Variants in SGPP2 observed in about 807,000 individuals in gnomAD.
SGPP2 encodes sphingosine 1-phosphate phosphohydrolase 2.
SGPP2 carries 30 observed loss-of-function variants against 33.9 expected under a neutral mutation model. The ratio of observed to expected loss-of-function variants is 0.89; its 90% CI spans 0.66 to 1.20. SGPP2 has a LOEUF of 1.20. SGPP2 is among the 50% of genes most tolerant of loss of function. The probability of loss-of-function intolerance (pLI) is 0.00; values close to 1 mark genes in which losing one functional copy is unlikely to be tolerated. For missense variants in SGPP2, 458 were observed against 532.1 expected (o/e 0.86, Z 1.37); for synonymous variants, 233 against 225.0 (o/e 1.04, Z -0.32).
At chr2:222,501,739 A>G (rs1157358130) in intron 2 of SGPP2, among the ~76,000 whole-genome samples, 1 of 152,192 alleles carries the variant, frequency 6.6e-6, no homozygotes, top group African/African-American at 2.4e-5. Context: ...CTCTACCCCA[A>G]GATATACTGA....
intron 2 of SGPP2, among the ~76,000 whole-genome samples, chr2:222,490,457 C>T (rs759894609): frequency 1.3e-5 from 2 of 152,156 alleles, no homozygotes; most frequent in Non-Finnish European, 2.9e-5. Flanking sequence ...GAGACAGGGT[C>T]TTGCTCTGTT....
rs1468719796 is a variant in SGPP2 at position 222,550,552 on chromosome 2, G to A, written c.649-7795G>A. ...AAATTAGGATCATACTTTCTGTAAAGCTTGTATTCTGTTTAAAACATCTCA... is the reference window on the plus strand; with the variant it reads ...AAATTAGGATCATACTTTCTGTAAAACTTGTATTCTGTTTAAAACATCTCA... On this transcript the variant is annotated intron_variant, in intron 4 of 4. Transcript: ENST00000321276. The surrounding 1 kb of genome is among the most constrained non-coding windows in gnomAD (Gnocchi z 4.5). 1.3e-5 allele frequency among the ~76,000 whole-genome samples: 2 copies of A among 152,134 alleles called. No homozygotes were observed. The highest frequency in any genetic ancestry group is 2.9e-5 in the Non-Finnish European group (2 of 68,018).
intron 1 of SGPP2, among the ~76,000 whole-genome samples, chr2:222,445,715 T>G (rs188940265): frequency 2.0e-5 from 3 of 152,348 alleles, no homozygotes; most frequent in Admixed American, 1.3e-4. Flanking sequence ...AAAAGGCTGA[T>G]GACCAGCAAT....
intron 1 of SGPP2, among the ~76,000 whole-genome samples, chr2:222,445,568 C>T (rs1697386185): frequency 6.6e-6 from 1 of 152,136 alleles, no homozygotes; most frequent in Admixed American, 6.5e-5. Context: ...GGGAGAAGGA[C>T]TGTGCTACCC....
intron 1 of SGPP2, among the ~76,000 whole-genome samples, chr2:222,468,384 T>TA (rs61207611): frequency 0.15 from 21,506 of 142,480 alleles, 1,793 homozygotes; most frequent in African/African-American, 0.26. Context: ...TCCTTCCTTG[T>TA]AAAAAAAAAA....
At chr2:222,463,964 C>G (rs561674192) in intron 1 of SGPP2, among the ~76,000 whole-genome samples, 6 of 112,104 alleles carry the variant, frequency 5.4e-5, no homozygotes, top group Admixed American at 2.4e-4. Context: ...AGTTCTGAAT[C>G]CTGTACGTGT....
At chr2:222,538,685 C>T (rs954260232) in intron 4 of SGPP2, among the ~76,000 whole-genome samples, 10 of 152,094 alleles carry the variant, frequency 6.6e-5, no homozygotes, top group African/African-American at 1.9e-4. Context: ...CTGGGGAGGC[C>T]TCAGGAAACT....
In SGPP2 at chr2:222,467,950, G is replaced by GAAAAAAAAAAAAAAAAAAAAAAAAAAAAA. The variant is rs61253653; in HGVS notation, c.220-6608_220-6580dup. Among the ~76,000 whole-genome samples the GAAAAAAAAAAAAAAAAAAAAAAAAAAAAA allele has an allele frequency of 3.2e-4, 8 of 24,874 alleles. 1 individual carries two copies. The highest frequency in any genetic ancestry group is 1.9e-3 in the South Asian group (1 of 524). 16.3% of individuals were successfully genotyped at this position (24,874 alleles called of 152,430 possible). A position where few individuals can be genotyped will look rare whatever the true frequency, so the allele number is the denominator to read the frequency against. The stretch of plus-strand genomic sequence containing the variant: ...AAATGTATATTTAAAGCTCTAATCT[G>GAAAAAAAAAAAAAAAAAAAAAAAAAAAAA]AAAAAAAAAAAAAAAAAAAAAAAAA... On this transcript the variant is annotated intron_variant, in intron 1 of 4. Transcript: ENST00000321276.
At chr2:222,491,603 G>A (rs762531987) in intron 2 of SGPP2, among the ~76,000 whole-genome samples, 1 of 152,090 alleles carries the variant, frequency 6.6e-6, no homozygotes, top group Admixed American at 6.5e-5. Flanking sequence ...CTCCCACCTG[G>A]TCCTTCCCTC....
At chr2:222,492,848 G>T (rs1227886908) in intron 2 of SGPP2, among the ~76,000 whole-genome samples, 2 of 152,162 alleles carry the variant, frequency 1.3e-5, no homozygotes, top group African/African-American at 4.8e-5. Context: ...TTGGGTAGGG[G>T]CAAAATGCCA....
chr2:222,464,691 C>T (rs1363432299), intron 1 of SGPP2, among the ~76,000 whole-genome samples: 1 of 152,158 alleles, frequency 6.6e-6, no homozygotes, highest in Non-Finnish European at 1.5e-5. Context: ...CTATGTTTCC[C>T]AGGCTCTTCT....
At chr2:222,425,960 T>C (rs1169532065) in intron 1 of SGPP2, among the ~76,000 whole-genome samples, 1 of 152,044 alleles carries the variant, frequency 6.6e-6, no homozygotes, top group Non-Finnish European at 1.5e-5. Flanking sequence ...CTCTTTATTG[T>C]TCCTTCTTTA....
chr2:222,452,310 AG>A, intron 1 of SGPP2: 1 of 602,614 alleles, frequency 1.7e-6, no homozygotes, highest in Non-Finnish European at 3.0e-6. Context: ...TTTCCAAAAA[AG>A]AAAAATCCTA....
chr2:222,477,323 G>A lies in SGPP2; in HGVS notation c.378+2597G>A, dbSNP rs1697957694. Reference sequence around the variant, plus strand: ...TGTGTATATAGGTGTGAGTATATATGTGTGTCTATGTGTGTGTGTATAGGT... The same window carrying A: ...TGTGTATATAGGTGTGAGTATATATATGTGTCTATGTGTGTGTGTATAGGT... On this transcript the variant is annotated intron_variant, in intron 2 of 4. Coordinates refer to ENST00000321276, the MANE Select transcript of SGPP2 (RefSeq NM_152386.4). The surrounding 1 kb of genome is among the most constrained non-coding windows in gnomAD (Gnocchi z 6.0). 1.3e-5 allele frequency among the ~76,000 whole-genome samples: 2 copies of A among 148,226 alleles called. No individual in the cohort carries two copies. The highest frequency in any genetic ancestry group is 1.3e-4 in the Admixed American group (2 of 14,920).
intron 2 of SGPP2, among the ~76,000 whole-genome samples, chr2:222,491,759 A>C (rs573517593): frequency 1.3e-5 from 2 of 152,010 alleles, no homozygotes; most frequent in East Asian, 1.9e-4. Context: ...CAGTCCCCCA[A>C]AGTCTTAACT....
chr2:222,495,685 C>A (rs1698269082), intron 2 of SGPP2, among the ~76,000 whole-genome samples: 1 of 152,134 alleles, frequency 6.6e-6, no homozygotes, highest in South Asian at 2.1e-4. Context: ...CAGATAAGAC[C>A]CACAGATGCC....
At chr2:222,480,515 G>A (rs567336232) in intron 2 of SGPP2, among the ~76,000 whole-genome samples, 71 of 152,212 alleles carry the variant, frequency 4.7e-4, no homozygotes, top group Non-Finnish European at 9.4e-4. Context: ...GTTCAAAGGT[G>A]AGCCACAGAT....
intron 2 of SGPP2, among the ~76,000 whole-genome samples, chr2:222,517,662 C>T (rs1698625403): frequency 6.6e-6 from 1 of 152,226 alleles, no homozygotes; most frequent in South Asian, 2.1e-4. Context: ...GTAGCATGCC[C>T]ACTGGGGCTT....
At chr2:222,453,152 C>T (rs1455151959) in intron 1 of SGPP2, 10 of 794,608 alleles carry the variant, frequency 1.3e-5, no homozygotes, top group East Asian at 4.9e-5. Context: ...GAGAGACAGT[C>T]GCAGTGTGAG....
Sources: allele counts gnomAD v4.1 joint callset (sites outside exome capture counted in the v4.1 genomes callset), GRCh38; gene constraint gnomAD v4.1.1; non-coding constraint Gnocchi (gnomAD v3.1); transcripts MANE v1.5; gene names NCBI Gene and HGNC (gene_info 2026-07-23, HGNC 2026-07-21).